DMD: variants seen among roughly 807,000 people sequenced by gnomAD.
The protein encoded by DMD is mutant dystrophin.
Under a neutral mutation model 330.1 loss-of-function variants are expected in DMD, and 63 were observed. That is an observed-to-expected ratio of 0.19 (90% confidence interval 0.16 to 0.24). The LOEUF is 0.24. Among genes scored for constraint, DMD ranks in the 10% least tolerant of loss-of-function variants. The pLI is 1.00. For synonymous variants in DMD, 1,223 were observed against 959.8 expected (o/e 1.27, Z -5.07); for missense variants, 3,344 against 2,684.1 (o/e 1.25, Z -5.43).
chrX:33,203,706 C>G (rs367561028), intron 1 of DMD, among the ~76,000 whole-genome samples: 4 of 108,653 alleles, frequency 3.7e-5, no homozygotes, highest in African/African-American at 1.3e-4. Context: ...TATTGAATTT[C>G]CGATCTCCTC....
chrX:31,517,765 T>A (rs995127729), intron 55 of DMD, among the ~76,000 whole-genome samples: 2 of 111,517 alleles, frequency 1.8e-5, no homozygotes, highest in African/African-American at 6.5e-5. Context: ...AATAGCTGCA[T>A]GTGTGATTTA....
chrX:32,517,691 CT>C, intron 18 of DMD: 1 of 358,788 alleles, frequency 2.8e-6, no homozygotes, highest in East Asian at 4.7e-5. Context: ...AAGGCCTAGC[CT>C]TGAGGTAACT....
intron 1 of DMD, among the ~76,000 whole-genome samples, chrX:33,314,574 T>TG (rs1282258142): frequency 1.1e-4 from 11 of 98,783 alleles, no homozygotes; most frequent in African/African-American, 1.5e-4. Flanking sequence ...TTTTTTGTTT[T>TG]TTTTTTTTTT....
intron 12 of DMD, among the ~76,000 whole-genome samples, chrX:32,599,103 C>G (rs368989907): frequency 8.9e-6 from 1 of 112,120 alleles, no homozygotes; most frequent in African/African-American, 3.2e-5. Flanking sequence ...TTTTTGAGCA[C>G]ACTAAATAGC....
intron 45 of DMD, among the ~76,000 whole-genome samples, chrX:31,936,292 A>G (rs1377280203): frequency 9.0e-6 from 1 of 111,623 alleles, no homozygotes; most frequent in Non-Finnish European, 1.9e-5. Flanking sequence ...ATTTAGATAC[A>G]CATTGTTGAA....
intron 6 of DMD, among the ~76,000 whole-genome samples, chrX:32,815,151 G>A (rs1042957239): frequency 9.0e-6 from 1 of 110,610 alleles, no homozygotes; most frequent in African/African-American, 3.3e-5. Flanking sequence ...AAACCCAGTC[G>A]GGATGGGGTT....
At chrX:32,463,402 C>G in intron 25 of DMD, 37 bp downstream of exon 25, 2 of 1,149,306 alleles carry the variant, frequency 1.7e-6, no homozygotes, top group Non-Finnish European at 1.2e-6. Context: ...TAGTTAAGTA[C>G]GTTGAGGCAA....
At chrX:33,319,263 T>A (rs947704627) in intron 1 of DMD, among the ~76,000 whole-genome samples, 2 of 111,357 alleles carry the variant, frequency 1.8e-5, no homozygotes, top group Non-Finnish European at 3.8e-5. Flanking sequence ...TTATTTATTT[T>A]TTTTTATAGA....
chrX:33,269,898 T>C (rs1479488206), intron 1 of DMD, among the ~76,000 whole-genome samples: 1 of 110,094 alleles, frequency 9.1e-6, no homozygotes, highest in African/African-American at 3.3e-5. Flanking sequence ...CCTGGGGCTC[T>C]TCAGAGTCTA....
intron 77 of DMD, 84 bp downstream of exon 77, chrX:31,134,018 T>A (rs1054502565): frequency 1.2e-6 from 1 of 865,942 alleles, no homozygotes; most frequent in Non-Finnish European, 1.7e-6. Flanking sequence ...GGCTTCCATA[T>A]GGAAAATACA....
chrX:33,071,829 C>T (rs749074017), intron 1 of DMD, among the ~76,000 whole-genome samples: 9 of 111,905 alleles, frequency 8.0e-5, no homozygotes, highest in Non-Finnish European at 1.5e-4. Context: ...GCATCTTACC[C>T]GGTACAGTCA....
rs1481390052 is a variant in DMD at position 31,932,187 on chromosome X, C to G, written c.6655G>C (p.Asp2219His). The change falls in exon 46 of 79, where the codon GAT becomes CAT. Residue 2219 changes from aspartate (D) to histidine (H), a missense_variant. Coordinates refer to ENST00000357033, the MANE Select transcript of DMD (RefSeq NM_004006.3). ...QKNILSEFQR[D>H]LNEFVLWLEE... Reference sequence around the variant, plus strand: ...AACCATAAAACAAATTCATTTAAATCTCTTTGAAATTCTGACAAGATATTC... The same window carrying G: ...AACCATAAAACAAATTCATTTAAATGTCTTTGAAATTCTGACAAGATATTC... 8.4e-7 allele frequency: 1 copy of G among 1,190,876 alleles called. No homozygotes were observed. Among genetic ancestry groups the G allele is most frequent in the East Asian group, 3.0e-5 (1 of 33,705 alleles).
In DMD at chrX:32,614,044, C is replaced by A. The variant is rs993853235; in HGVS notation, c.1482+259G>T. 9.1e-5 allele frequency among the ~76,000 whole-genome samples: 10 copies of A among 110,467 alleles called. No individual in the cohort carries two copies. The Admixed American group carries it at 9.7e-4, about 11-fold the overall frequency. ...CTTTTATATGGGACTTGATCCTATT[C>A]TTAAGGGAGGAGCCCTGATGGATTA... is the stretch of plus-strand genomic sequence containing the variant. On this transcript the variant is annotated intron_variant, in intron 12 of 78. Transcript: ENST00000357033.
intron 44 of DMD, among the ~76,000 whole-genome samples, chrX:32,174,872 C>T (rs1282301595): frequency 9.0e-6 from 1 of 111,058 alleles, no homozygotes; most frequent in African/African-American, 3.3e-5. Context: ...TACTTCCTGG[C>T]AACACGCAAT....
intron 55 of DMD, among the ~76,000 whole-genome samples, chrX:31,612,355 A>C (rs1377171169): frequency 8.9e-6 from 1 of 112,239 alleles, no homozygotes. Context: ...TGGCTCTTTA[A>C]GAAATGAATT....
At chrX:32,902,310 C>T (rs901577802) in intron 2 of DMD, among the ~76,000 whole-genome samples, 1 of 109,969 alleles carries the variant, frequency 9.1e-6, no homozygotes, top group South Asian at 3.8e-4. Flanking sequence ...ATAGTTCCAG[C>T]AGAAAGCGAG....
At chrX:32,929,541 C>G (rs140323627) in intron 2 of DMD, among the ~76,000 whole-genome samples, 3 of 111,098 alleles carry the variant, frequency 2.7e-5, no homozygotes, top group Non-Finnish European at 5.7e-5. Context: ...GATATCAAAA[C>G]CCATCAAGCA....
chrX:32,616,652 G>A (rs2057589835), intron 11 of DMD, among the ~76,000 whole-genome samples: 2 of 93,007 alleles, frequency 2.2e-5, no homozygotes, highest in Admixed American at 2.4e-4. Context: ...CCCTTTCCTA[G>A]TGTTAGAATC....
intron 44 of DMD, among the ~76,000 whole-genome samples, chrX:32,009,847 C>T (rs1216988376): frequency 8.9e-6 from 1 of 111,790 alleles, no homozygotes; most frequent in Non-Finnish European, 1.9e-5. Flanking sequence ...CTTATCCAAC[C>T]ACATGGTGAT....
Sources: gnomAD v4.1 joint callset for allele counts (sites outside exome capture counted in the v4.1 genomes callset) on GRCh38, gnomAD v4.1.1 for gene constraint, MANE v1.5 for transcripts, NCBI Gene and HGNC (gene_info 2026-07-23, HGNC 2026-07-21) for gene names.